The following PCDHGA1 variants were observed in gnomAD, a reference collection of about 807,000 sequenced individuals.
The protein encoded by PCDHGA1 is protocadherin gamma subfamily A, 1, also known as protocadherin gamma-A1.
PCDHGA1 carries 32 observed loss-of-function variants against 58.0 expected under a neutral mutation model. The observed-to-expected ratio is 0.55, with a 90% CI of 0.42 to 0.74. The LOEUF is 0.74. Ranked by LOEUF, PCDHGA1 falls within the 30% of genes least tolerant of loss-of-function variation. The probability of loss-of-function intolerance (pLI) is 0.00; values close to 1 mark genes in which losing one functional copy is unlikely to be tolerated. For missense variants in PCDHGA1, 1,205 were observed against 1,182.3 expected, an observed-to-expected ratio of 1.02 and a Z score of -0.28; for synonymous variants, 498 against 501.1, an observed-to-expected ratio of 0.99 and a Z score of 0.08.
intron 1 of PCDHGA1, chr5:141,400,231 G>C: frequency 6.2e-7 from 1 of 1,613,988 alleles, no homozygotes; most frequent in South Asian, 1.1e-5. Context: ...CTTCCTCCTG[G>C]CCGTGATTCT....
chr5:141,333,207 G>A (rs766950160), intron 1 of PCDHGA1, 102 bp downstream of exon 1: 5 of 1,527,656 alleles, frequency 3.3e-6, no homozygotes, highest in South Asian at 1.2e-5. Context: ...TCTAACCCAT[G>A]TATCTTTGTA....
At position 141,487,653 on chromosome 5, in the gene PCDHGA1, A is replaced by C. The variant is rs1033173132; in HGVS notation, c.2422-7154A>C. The C allele has an allele frequency of 3.1e-6, 5 of 1,613,794 alleles. No individual in the cohort carries two copies. Among genetic ancestry groups the C allele is most frequent in the Non-Finnish European group, 4.2e-6 (5 of 1,179,926 alleles). ...CAGGCTCAACAAATGCTTGAGGGTT[A>C]TTCTGATCCAGGCATATGGCTAGGC... On this transcript the variant is annotated intron_variant, in intron 1 of 3. Transcript: ENST00000517417. This position sits in a 1 kb window ranked among gnomAD's most constrained non-coding sequence, Gnocchi z 5.0.
intron 1 of PCDHGA1, among the ~76,000 whole-genome samples, chr5:141,459,184 G>GC (rs2098963022): frequency 6.6e-6 from 1 of 152,134 alleles, no homozygotes; most frequent in South Asian, 2.1e-4. Flanking sequence ...GTTCCCTCAT[G>GC]CCCCTTTGCA....
chr5:141,431,438 C>A lies in PCDHGA1; in HGVS notation c.2422-63369C>A, dbSNP rs773812765. 6.2e-7 allele frequency: 1 copy of A among 1,613,612 alleles called. No homozygotes were observed. The highest frequency in any genetic ancestry group is 1.7e-5 in the Admixed American group (1 of 60,004). ...CGACCCGGTGCGCACAGGCACCGCG[C>A]GCATCCGCGTGATGGTTCTGGATGC... On this transcript the variant is annotated intron_variant, in intron 1 of 3. Coordinates refer to ENST00000517417, the MANE Select transcript of PCDHGA1 (RefSeq NM_018912.3). This position sits in a 1 kb window ranked among gnomAD's most constrained non-coding sequence, Gnocchi z 4.8.
intron 1 of PCDHGA1, chr5:141,362,374 A>T (rs1561526644): frequency 6.2e-7 from 1 of 1,614,036 alleles, no homozygotes; most frequent in Admixed American, 1.7e-5. Flanking sequence ...CAGTGAGGGT[A>T]CATTGCCCTA....
intron 1 of PCDHGA1, among the ~76,000 whole-genome samples, chr5:141,453,080 A>T (rs1323212808): frequency 6.6e-6 from 1 of 151,960 alleles, no homozygotes; most frequent in Non-Finnish European, 1.5e-5. Context: ...ACTCTGGTTG[A>T]TTAGTATATT....
chr5:141,356,160 A>C, intron 1 of PCDHGA1: 1 of 1,613,338 alleles, frequency 6.2e-7, no homozygotes, highest in Non-Finnish European at 8.5e-7. Flanking sequence ...TAGATGTAGA[A>C]GCCCATGATG....
chr5:141,427,704 G>C (rs2097059746), intron 1 of PCDHGA1: 2 of 966,116 alleles, frequency 2.1e-6, no homozygotes, highest in Non-Finnish European at 3.2e-6. Context: ...ACAAGTCAGC[G>C]CCTCTGACCT....
At chr5:141,344,040 A>G in intron 1 of PCDHGA1, 1 of 1,552,924 alleles carries the variant, frequency 6.4e-7, no homozygotes, top group Non-Finnish European at 8.7e-7. Context: ...GGAAATGACC[A>G]ATTGCCTGAG....
intron 1 of PCDHGA1, chr5:141,339,713 C>A: frequency 6.2e-7 from 1 of 1,614,112 alleles, no homozygotes; most frequent in Non-Finnish European, 8.5e-7. Context: ...GCCCGAGTAC[C>A]GCATAAGCAT....
intron 1 of PCDHGA1, chr5:141,346,234 G>T: frequency 6.2e-7 from 1 of 1,614,212 alleles, no homozygotes; most frequent in Non-Finnish European, 8.5e-7. Flanking sequence ...GGCTTGGCGA[G>T]TACGCCCGGC....
chr5:141,370,920 C>G, intron 1 of PCDHGA1: 4 of 1,613,994 alleles, frequency 2.5e-6, no homozygotes, highest in South Asian at 1.1e-5. Context: ...CAGCCCTGAT[C>G]CGCACTTCTC....
At chr5:141,483,745 T>C (rs1288301129) in intron 1 of PCDHGA1, among the ~76,000 whole-genome samples, 1 of 152,130 alleles carries the variant, frequency 6.6e-6, no homozygotes, top group Non-Finnish European at 1.5e-5. Flanking sequence ...AGGATATTCC[T>C]GAGGATCGAG....
chr5:141,457,942 T>C (rs2098933338), intron 1 of PCDHGA1, among the ~76,000 whole-genome samples: 1 of 152,226 alleles, frequency 6.6e-6, no homozygotes, highest in Non-Finnish European at 1.5e-5. Flanking sequence ...TTATTGGCTC[T>C]GCATGTCAAG....
Position 141,431,264 on chromosome 5 carries a change from A to T in PCDHGA1, c.2422-63543A>T. The T allele has an allele frequency of 6.2e-7, 1 of 1,614,170 alleles. No individual in the cohort carries two copies. On this transcript the variant is annotated intron_variant, in intron 1 of 3. Coordinates refer to ENST00000517417, the MANE Select transcript of PCDHGA1 (RefSeq NM_018912.3). This position sits in a 1 kb window ranked among gnomAD's most constrained non-coding sequence, Gnocchi z 4.8. ...GGATATCGGGAAGAACTCTCTGCAG[A>T]GCTACGAGCTCAGCCCGAACACTCA...
In PCDHGA1 at chr5:141,432,255, C is replaced by T. The variant is rs1561859576; in HGVS notation, c.2422-62552C>T. The T allele has an allele frequency of 6.2e-7, 1 of 1,614,246 alleles. No individual in the cohort carries two copies. The highest frequency in any genetic ancestry group is 8.5e-7 in the Non-Finnish European group (1 of 1,180,048). On this transcript the variant is annotated intron_variant, in intron 1 of 3. Transcript: ENST00000517417. This position sits in a 1 kb window ranked among gnomAD's most constrained non-coding sequence, Gnocchi z 6.0. The stretch of plus-strand genomic sequence containing the variant: ...CTGGCTGAGAACACCATCCAAGGGG[C>T]AAGCCTATCGTCCTACGTGTCCATC...
intron 1 of PCDHGA1, chr5:141,479,712 C>T (rs1488849933): frequency 6.6e-6 from 1 of 152,216 alleles, no homozygotes; most frequent in Non-Finnish European, 1.5e-5. Flanking sequence ...CCCTGTCCTT[C>T]CAGCCTTATT....
At chr5:141,421,651 A>G in intron 1 of PCDHGA1, 1 of 1,613,868 alleles carries the variant, frequency 6.2e-7, no homozygotes, top group Non-Finnish European at 8.5e-7. Flanking sequence ...AGTGGAGATA[A>G]AAGTCAGTGA....
Position 141,476,374 on chromosome 5 carries a change from G to A in PCDHGA1, c.2422-18433G>A. 1.2e-6 allele frequency: 2 copies of A among 1,614,178 alleles called. No individual in the cohort carries two copies. Among genetic ancestry groups the A allele is most frequent in the Non-Finnish European group, 1.7e-6 (2 of 1,180,044 alleles). On this transcript the variant is annotated intron_variant, in intron 1 of 3. Transcript: ENST00000517417. This position sits in a 1 kb window ranked among gnomAD's most constrained non-coding sequence, Gnocchi z 7.6. ...AGGTGAACCGGGAGACCGGAGAGATGTTTGTGAACGACCGTCTGGATCGAG... is the reference window on the plus strand; with the variant it reads ...AGGTGAACCGGGAGACCGGAGAGATATTTGTGAACGACCGTCTGGATCGAG...
Sources: gnomAD v4.1 joint callset for allele counts (sites outside exome capture counted in the v4.1 genomes callset) on GRCh38, gnomAD v4.1.1 for gene constraint, Gnocchi (gnomAD v3.1) non-coding constraint, MANE v1.5 for transcripts, NCBI Gene and HGNC (gene_info 2026-07-23, HGNC 2026-07-21) for gene names.